Variants in ACSM3 observed in about 807,000 individuals in gnomAD.
ACSM3 encodes the protein acyl-coenzyme A synthetase ACSM3, mitochondrial.
Under a neutral mutation model 74.1 loss-of-function variants are expected in ACSM3, and 61 were observed. The ratio of observed to expected loss-of-function variants is 0.82; its 90% confidence interval spans 0.67 to 1.02. The LOEUF (loss-of-function observed/expected upper bound fraction) is 1.02. ACSM3 is among the 50% of genes least tolerant of loss of function. The pLI, the probability that ACSM3 is intolerant of heterozygous loss-of-function variation, is 0.00. For missense variants in ACSM3, 660 were observed against 697.0 expected (o/e 0.95, Z 0.60); for synonymous variants, 213 against 241.5 (o/e 0.88, Z 1.09).
chr16:20,742,715 G>C (rs1314029604), intron 1 of ACSM3, among the ~76,000 whole-genome samples: 6 of 150,692 alleles, frequency 4.0e-5, no homozygotes, highest in Admixed American at 3.3e-4. Context: ...CTCTGTGCAC[G>C]GACAAGTGGC....
chr16:20,729,400 G>A (rs8050965), intron 1 of ACSM3: 731,063 of 1,082,850 alleles, frequency 0.68, 253,830 homozygotes, highest in Non-Finnish European at 0.73. Context: ...ATTGACAGGG[G>A]GGGAGCTCTC....
At position 20,741,644 on chromosome 16, in the gene ACSM3, G is replaced by A. The variant is rs116141535; in HGVS notation, c.-189-8266G>A. The A allele has an allele frequency of 1.2e-3, 1,846 of 1,583,012 alleles. 26 individuals are homozygous for A. The African/African-American group carries it at 0.022, about 18-fold the overall frequency. The stretch of plus-strand genomic sequence containing the variant: ...GCTCTAGCTGACGGGGCCCGCCAGC[G>A]TCGCAGCGCCGAGCGCGCTTGGCCA... On this transcript the variant is annotated intron_variant, in intron 1 of 3. Coordinates refer to the ACSM3 transcript ENST00000561584.
At chr16:20,738,946 T>G (rs1463852858) in intron 1 of ACSM3, 13 of 1,614,100 alleles carry the variant, frequency 8.1e-6, no homozygotes, top group Non-Finnish European at 1.1e-5. Context: ...CACTTTCCAC[T>G]GACTGGAATC....
At chr16:20,748,007 C>A (rs1196639505) in intron 1 of ACSM3, among the ~76,000 whole-genome samples, 1 of 152,022 alleles carries the variant, frequency 6.6e-6, no homozygotes. Flanking sequence ...TGTGGTGGTG[C>A]ACACCTGTGG....
intron 1 of ACSM3, chr16:20,725,219 A>G (rs1416124221): frequency 1.3e-5 from 2 of 155,252 alleles, no homozygotes; most frequent in Non-Finnish European, 2.9e-5. Flanking sequence ...GCCCTCAGAA[A>G]TAAATATTTG....
chr16:20,769,998 G>A lies in ACSM3; in HGVS notation c.-37G>A, dbSNP rs756316175. 6.2e-7 allele frequency: 1 copy of A among 1,602,452 alleles called. No homozygotes were observed. The highest frequency in any genetic ancestry group is 1.7e-5 in the Admixed American group (1 of 59,976). On this transcript the variant is annotated 5_prime_UTR_variant, in exon 2 of 14. In the 5' UTR this introduces an upstream ATG that the reference lacks. Transcript: ENST00000289416. ...TTGTCTTTTAGATGAACTGGTCTCT[G>A]TGCAAATCCTGAGTGCTAAAGCTTC...
At chr16:20,733,365 T>C (rs2079842789) in intron 1 of ACSM3, among the ~76,000 whole-genome samples, 1 of 152,090 alleles carries the variant, frequency 6.6e-6, no homozygotes, top group Non-Finnish European at 1.5e-5. Context: ...GAGACCAAAC[T>C]TCAATATATT....
chr16:20,682,385 C>T (rs1357255900), intron 1 of ACSM3: 1 of 1,614,078 alleles, frequency 6.2e-7, no homozygotes, highest in Non-Finnish European at 8.5e-7. Context: ...GGTCACAATG[C>T]CCTTGGCTTT....
At chr16:20,749,474 C>G (rs144059717) in intron 1 of ACSM3, 1 of 152,146 alleles carries the variant, frequency 6.6e-6, no homozygotes, top group Admixed American at 6.5e-5. Context: ...ATTTTCACCC[C>G]CTTTGCTGTC....
At chr16:20,742,352 C>T (rs1448737434) in intron 1 of ACSM3, among the ~76,000 whole-genome samples, 2 of 152,108 alleles carry the variant, frequency 1.3e-5, no homozygotes, top group Non-Finnish European at 2.9e-5. Flanking sequence ...TGCCAATCAA[C>T]GCATTACAAA....
chr16:20,737,066 C>T (rs146200863), intron 1 of ACSM3: 434 of 1,614,080 alleles, frequency 2.7e-4, no homozygotes, highest in Middle Eastern at 1.2e-3. Context: ...CTGATTTGTC[C>T]GCAGATTCCA....
chr16:20,737,389 G>C, intron 1 of ACSM3: 1 of 1,187,226 alleles, frequency 8.4e-7, no homozygotes, highest in Non-Finnish European at 1.2e-6. Context: ...AAGACATACA[G>C]TAATCCACTC....
intron 7 of ACSM3, among the ~76,000 whole-genome samples, chr16:20,782,142 C>T (rs557650902): frequency 1.3e-5 from 2 of 152,278 alleles, no homozygotes; most frequent in African/African-American, 4.8e-5. Context: ...AAAGAGGATG[C>T]ATATCTTTTA....
intron 1 of ACSM3, among the ~76,000 whole-genome samples, chr16:20,704,831 T>C (rs546976266): frequency 8.5e-5 from 13 of 152,316 alleles, no homozygotes; most frequent in Admixed American, 2.0e-4. Context: ...CATAAAAGTA[T>C]AGACAAGTTA....
chr16:20,773,310 A>C (rs1456989264), intron 2 of ACSM3, among the ~76,000 whole-genome samples: 2 of 151,766 alleles, frequency 1.3e-5, no homozygotes, highest in African/African-American at 4.8e-5. Context: ...TTCCTCAAAA[A>C]ATTTTGTTTT....
At chr16:20,687,714 C>T (rs2079578113) in intron 1 of ACSM3, among the ~76,000 whole-genome samples, 1 of 152,086 alleles carries the variant, frequency 6.6e-6, no homozygotes, top group African/African-American at 2.4e-5. Context: ...AACCACAGAT[C>T]CACACCTAAA....
Position 20,792,014 on chromosome 16 carries a change from A to G in ACSM3, c.1339A>G (p.Lys447Glu). The G allele has an allele frequency of 6.2e-7, 1 of 1,614,114 alleles. No homozygotes were observed. The highest frequency in any genetic ancestry group is 8.5e-7 in the Non-Finnish European group (1 of 1,179,982). The change falls in exon 11 of 14, where the codon AAA (lysine) becomes GAA (glutamate). Residue 447 changes from lysine to glutamate, a missense_variant. Coordinates refer to ENST00000289416, the MANE Select transcript of ACSM3 (RefSeq NM_005622.4). ...LFTHYVDNPS[K>E]TASTLRGNFY... ...ATTTGTTTTGCAGGATAATCCTTCA[A>G]AAACAGCTTCAACTCTACGAGGCAA...
intron 1 of ACSM3, among the ~76,000 whole-genome samples, chr16:20,723,619 G>T (rs1192875962): frequency 2.6e-5 from 4 of 151,448 alleles, no homozygotes; most frequent in East Asian, 1.9e-4. Context: ...TTGATTTGCA[G>T]TTCTCTGATG....
chr16:20,796,889 G>C lies in ACSM3; in HGVS notation c.1678G>C (p.Glu560Gln), dbSNP rs1041201486. The C allele has an allele frequency of 6.2e-7, 1 of 1,611,570 alleles. No homozygotes were observed. Among genetic ancestry groups the C allele is most frequent in the African/African-American group, 1.3e-5 (1 of 74,778 alleles). Residue 560 changes from glutamate to glutamine, a missense_variant, in exon 14 of 14, where the codon GAA becomes CAA. Transcript: ENST00000289416. ...TTCTTCCCCTTGATGCCAACAGGTA[G>C]AATTTATTCAAGAGCTGCCAAAGAC... ...TAPYKYPRKV[E>Q]FIQELPKTIS...
Sources: allele counts gnomAD v4.1 joint callset (sites outside exome capture counted in the v4.1 genomes callset), GRCh38; gene constraint gnomAD v4.1.1; transcripts MANE v1.5; gene names NCBI Gene and HGNC (gene_info 2026-07-23, HGNC 2026-07-21).